The following CELF2 variants were observed in gnomAD, a reference collection of about 807,000 sequenced individuals.
CELF2 encodes CUGBP Elav-like family member 2.
Under a neutral mutation model 62.6 loss-of-function variants are expected in CELF2, and 8 were observed. That is an observed-to-expected ratio of 0.13 (90% confidence interval 0.07 to 0.23). The LOEUF (loss-of-function observed/expected upper bound fraction) is 0.23. Ranked by LOEUF, CELF2 falls within the 10% of genes least tolerant of loss-of-function variation. The pLI, the probability that CELF2 is intolerant of heterozygous loss-of-function variation, is 1.00. For missense variants in CELF2, 333 were observed against 671.0 expected (o/e 0.50, Z 5.56); for synonymous variants, 258 against 250.0 (o/e 1.03, Z -0.30).
chr10:10,969,997 G>A (rs188389803), intron 2 of CELF2, among the ~76,000 whole-genome samples: 6 of 152,230 alleles, frequency 3.9e-5, no homozygotes, highest in East Asian at 1.9e-4. Flanking sequence ...GGAGGGGGGC[G>A]GCTTCTAATG....
the CELF2 span, among the ~76,000 whole-genome samples, chr10:10,612,236 C>A: frequency 6.6e-6 from 1 of 152,266 alleles, no homozygotes; most frequent in African/African-American, 2.4e-5. Context: ...TATGGGAAAA[C>A]CAGATCCAGT....
chr10:10,497,636 G>T, the CELF2 span, among the ~76,000 whole-genome samples: 1 of 152,140 alleles, frequency 6.6e-6, no homozygotes, highest in East Asian at 1.9e-4. Context: ...CGGCCACACC[G>T]CTGTCTGCAA....
At chr10:10,557,857 A>G in the CELF2 span, among the ~76,000 whole-genome samples, 9 of 144,656 alleles carry the variant, frequency 6.2e-5, no homozygotes, top group African/African-American at 2.3e-4. Flanking sequence ...GTGTATAAGA[A>G]TGCTTGTGAT....
At chr10:11,106,603 A>G (rs562329891) in intron 1 of CELF2, among the ~76,000 whole-genome samples, 1 of 152,266 alleles carries the variant, frequency 6.6e-6, no homozygotes, top group Admixed American at 6.5e-5. Context: ...GAACTACGAA[A>G]TGGGGACAAG....
intron 1 of CELF2, among the ~76,000 whole-genome samples, chr10:11,047,039 G>A (rs902366754): frequency 1.3e-5 from 2 of 152,096 alleles, no homozygotes; most frequent in African/African-American, 4.8e-5. Context: ...GAATTTTGGA[G>A]GGGCGGGGGA....
At chr10:11,148,236 C>T (rs797000264) in intron 1 of CELF2, among the ~76,000 whole-genome samples, 9 of 152,284 alleles carry the variant, frequency 5.9e-5, no homozygotes, top group African/African-American at 2.2e-4. Context: ...GTATTTCAGC[C>T]GTACTCAATT....
At chr10:11,095,174 A>ACAAAGCGAAGTTT (rs2049457004) in intron 1 of CELF2, among the ~76,000 whole-genome samples, 2 of 152,240 alleles carry the variant, frequency 1.3e-5, no homozygotes, top group African/African-American at 4.8e-5. Context: ...TAGGGGGTTT[A>ACAAAGCGAAGTTT]CAAAGCGAAG....
chr10:11,018,047 GC>G lies in CELF2; in HGVS notation c.-42del. 7.5e-7 allele frequency: 1 copy of G among 1,337,236 alleles called. No individual in the cohort carries two copies. Among genetic ancestry groups the G allele is most frequent in the South Asian group, 1.5e-5 (1 of 68,220 alleles). The allele number at this position is 1,337,236 out of a possible 1,614,324, so 82.8% of individuals were successfully genotyped here. On this transcript the variant is annotated 5_prime_UTR_variant, in exon 1 of 13. Coordinates refer to ENST00000633077, the MANE Select transcript of CELF2 (RefSeq NM_001326342.2). ...GCCGCCCGCGGCCGCTCGGACGCGC[GC>G]AGAGCCGCCCCCCGCCGCTGCCGCC... is the stretch of plus-strand genomic sequence containing the variant.
At chr10:10,825,761 A>ACAC (rs1564676671) in intron 1 of CELF2, among the ~76,000 whole-genome samples, 1 of 152,094 alleles carries the variant, frequency 6.6e-6, no homozygotes. Context: ...TGCCTAGAGG[A>ACAC]CTCTGAGTAA....
rs578081194 is a variant in CELF2 at position 11,096,132 on chromosome 10, G to A, written c.75-69354G>A. Among the ~76,000 whole-genome samples the A allele has an allele frequency of 1.3e-4, 20 of 151,908 alleles. 2 individuals carry two copies. The South Asian group carries it at 4.3e-3, about 33-fold the overall frequency. On this transcript the variant is annotated intron_variant, in intron 1 of 12. Transcript: ENST00000633077. Reference sequence around the variant, plus strand: ...AAGCGCATTATGCACCAATGCAGAGGAAATGCATTTACTTCTACCTCTGAA... The same window carrying A: ...AAGCGCATTATGCACCAATGCAGAGAAAATGCATTTACTTCTACCTCTGAA...
the CELF2 span, among the ~76,000 whole-genome samples, chr10:10,693,996 TG>T: frequency 6.8e-4 from 103 of 151,474 alleles, no homozygotes; most frequent in Admixed American, 2.7e-3. Context: ...AAGGGTTTTT[TG>T]TGTCTCTATT....
the CELF2 span, among the ~76,000 whole-genome samples, chr10:10,579,257 A>G: frequency 2.0e-5 from 3 of 152,306 alleles, no homozygotes; most frequent in Non-Finnish European, 2.9e-5. Flanking sequence ...ATGGATTTGC[A>G]TCTTGGAGTT....
rs1234816764 is a variant in CELF2 at position 11,300,247 on chromosome 10, C to G, written c.976+11695C>G. On this transcript the variant is annotated intron_variant, in intron 9 of 12. Coordinates refer to ENST00000633077, the MANE Select transcript of CELF2 (RefSeq NM_001326342.2). This position sits in a 1 kb window ranked among gnomAD's most constrained non-coding sequence, Gnocchi z 5.5. ...TGCTGGCCCCTCACTTCCCCGCCTT[C>G]CACATGTGTGCCACCGTACAATAAA... 1.3e-5 allele frequency among the ~76,000 whole-genome samples: 2 copies of G among 152,196 alleles called. No homozygotes were observed. The highest frequency in any genetic ancestry group is 2.9e-5 in the Non-Finnish European group (2 of 68,020).
At chr10:11,068,606 G>A (rs993752315) in intron 1 of CELF2, among the ~76,000 whole-genome samples, 1 of 151,808 alleles carries the variant, frequency 6.6e-6, no homozygotes, top group African/African-American at 2.4e-5. Context: ...TGTCGCCCAG[G>A]CTGGAGTGCA....
chr10:10,543,771 C>CAA, the CELF2 span, among the ~76,000 whole-genome samples: 1,740 of 152,058 alleles, frequency 0.011, 33 homozygotes, highest in African/African-American at 0.039. Context: ...ACAACAACAA[C>CAA]AACAACAACA....
intron 1 of CELF2, among the ~76,000 whole-genome samples, chr10:10,815,904 GTTT>G (rs33926226): frequency 7.5e-6 from 1 of 132,636 alleles, no homozygotes; most frequent in Non-Finnish European, 1.6e-5. Flanking sequence ...GGTTTGGGTT[GTTT>G]TTTTTTTTTT....
chr10:11,335,476 T>C lies in CELF2; in HGVS notation c.*6423T>C, dbSNP rs916903931. ...GCCCCTCTGGCCCGAGATTGTATTT[T>C]CTAGTCTGCTCAAGAACAGAGGGGC... On this transcript the variant is annotated 3_prime_UTR_variant, in exon 13 of 13. Coordinates refer to ENST00000633077, the MANE Select transcript of CELF2 (RefSeq NM_001326342.2). The surrounding 1 kb of genome is among the most constrained non-coding windows in gnomAD (Gnocchi z 5.0). The C allele has an allele frequency of 2.6e-5, 4 of 152,190 alleles. No individual in the cohort carries two copies. The highest frequency in any genetic ancestry group is 3.2e-3 in the Middle Eastern group (1 of 316). 9.4% of individuals were successfully genotyped at this position (152,190 alleles called of 1,614,324 possible). A position where few individuals can be genotyped will look rare whatever the true frequency, so the allele number is the denominator to read the frequency against.
At chr10:10,978,748 A>C (rs762958502) in intron 2 of CELF2, among the ~76,000 whole-genome samples, 1 of 152,226 alleles carries the variant, frequency 6.6e-6, no homozygotes, top group Non-Finnish European at 1.5e-5. Flanking sequence ...CCAATACCCT[A>C]AGTTGCAAAA....
chr10:11,232,121 T>G (rs1247926825), intron 3 of CELF2, among the ~76,000 whole-genome samples: 1 of 152,096 alleles, frequency 6.6e-6, no homozygotes, highest in African/African-American at 2.4e-5. Flanking sequence ...TAGGTATATC[T>G]CCTAATGCTA....
Sources: gnomAD v4.1 joint callset for allele counts (sites outside exome capture counted in the v4.1 genomes callset) on GRCh38, gnomAD v4.1.1 for gene constraint, Gnocchi (gnomAD v3.1) non-coding constraint, MANE v1.5 for transcripts, NCBI Gene and HGNC (gene_info 2026-07-23, HGNC 2026-07-21) for gene names.